Variants in PUS10 observed in about 807,000 individuals in gnomAD.
PUS10 encodes the protein tRNA pseudouridine synthase Pus10.
A neutral mutation model predicts 75.0 loss-of-function variants in PUS10; 59 were observed. The observed-to-expected ratio is 0.79, with a 90% CI of 0.64 to 0.98. PUS10 has a LOEUF of 0.98. PUS10 is among the 50% of genes least tolerant of loss of function. PUS10 has a pLI of 0.00. For synonymous variants in PUS10, 219 were observed against 211.6 expected, an observed-to-expected ratio of 1.03 and a Z score of -0.30; for missense variants, 650 against 614.4, an observed-to-expected ratio of 1.06 and a Z score of -0.61.
intron 4 of PUS10, among the ~76,000 whole-genome samples, chr2:60,976,214 G>C (rs1677025507): frequency 2.0e-5 from 3 of 152,208 alleles, no homozygotes; most frequent in Admixed American, 1.3e-4. Flanking sequence ...AATTAATACT[G>C]TTGTTGAACT....
chr2:61,003,963 C>A (rs1424987303), intron 4 of PUS10, among the ~76,000 whole-genome samples: 1 of 152,180 alleles, frequency 6.6e-6, no homozygotes, highest in South Asian at 2.1e-4. Context: ...TGATAATCTA[C>A]TTCTTAGAAG....
At chr2:61,009,132 T>C in intron 2 of PUS10, 117 bp from the exon 3 acceptor site, 3 of 870,656 alleles carry the variant, frequency 3.4e-6, no homozygotes, top group Non-Finnish European at 5.2e-6. Context: ...AATTTTACAA[T>C]GTTGACATAT....
chr2:60,942,447 A>T lies in PUS10; in HGVS notation c.1552-14T>A. ...AACATCTACAGACTAGAAGGGAGAA[A>T]AGAAGTCATTAAAACAGATATTACT... On this transcript the variant is annotated splice_polypyrimidine_tract_variant and intron_variant, in intron 17 of 17. Coordinates refer to ENST00000316752, the MANE Select transcript of PUS10 (RefSeq NM_144709.4). 1 of 1,606,946 alleles carries T rather than the reference A, an allele frequency of 6.2e-7. No individual in the cohort carries two copies. Among genetic ancestry groups the T allele is most frequent in the Non-Finnish European group, 8.5e-7 (1 of 1,173,440 alleles).
intron 2 of PUS10, 67 bp from the exon 3 acceptor site, chr2:61,009,082 T>C (rs1259030733): frequency 7.1e-7 from 1 of 1,409,524 alleles, no homozygotes; most frequent in Non-Finnish European, 9.6e-7. Context: ...CTAGGTAAGA[T>C]GAAACAAGAA....
intron 5 of PUS10, among the ~76,000 whole-genome samples, chr2:60,970,518 T>C (rs528216048): frequency 3.3e-5 from 5 of 152,316 alleles, no homozygotes; most frequent in African/African-American, 1.2e-4. Flanking sequence ...AAAAAATTTT[T>C]AAATTCAGTT....
intron 7 of PUS10, 99 bp downstream of exon 7, chr2:60,965,324 C>T (rs751462106): frequency 9.2e-7 from 1 of 1,081,110 alleles, no homozygotes; most frequent in East Asian, 2.4e-5. Flanking sequence ...ATAACAAGTT[C>T]TTCTCTTTCT....
intron 17 of PUS10, among the ~76,000 whole-genome samples, chr2:60,943,043 A>AAC (rs1674715368): frequency 6.6e-6 from 1 of 150,574 alleles, no homozygotes; most frequent in Non-Finnish European, 1.5e-5. Context: ...TCAGAAAAAA[A>AAC]AAAAAAAAAA....
intron 4 of PUS10, among the ~76,000 whole-genome samples, chr2:60,974,443 A>G (rs1227074525): frequency 6.6e-6 from 1 of 152,102 alleles, no homozygotes; most frequent in African/African-American, 2.4e-5. Flanking sequence ...TGGACGCAAG[A>G]CAAGAACTCA....
At chr2:61,008,738 A>G in intron 3 of PUS10, 23 bp downstream of exon 3, 1 of 1,509,402 alleles carries the variant, frequency 6.6e-7, no homozygotes, top group Non-Finnish European at 9.0e-7. Flanking sequence ...AATTGCACCT[A>G]TAATGAAAAA....
intron 15 of PUS10, among the ~76,000 whole-genome samples, chr2:60,951,065 T>G (rs773834874): frequency 1.3e-5 from 2 of 152,236 alleles, no homozygotes; most frequent in Non-Finnish European, 2.9e-5. Context: ...TCTTGGCCAC[T>G]GTTCTTTTTG....
At position 60,961,543 on chromosome 2, in the gene PUS10, A is replaced by G. The variant is rs1676028864; in HGVS notation, c.794T>C (p.Phe265Ser). The change falls in exon 10 of 18, where the codon TTT becomes TCT. Residue 265 changes from phenylalanine (F) to serine (S), a missense_variant. Transcript: ENST00000316752. Reference protein sequence around the residue: ...KIKEEDFLKQFPCPPNSPKAV... With the variant: ...KIKEEDFLKQSPCPPNSPKAV... ...CTTTGGTGAGTTTGGAGGACAAGGA[A>G]ACTGCCTGCAAAACAAAATAAATTT... 1 of 1,613,008 alleles carries G rather than the reference A, an allele frequency of 6.2e-7. No individual in the cohort carries two copies. The highest frequency in any genetic ancestry group is 1.3e-5 in the African/African-American group (1 of 74,890).
intron 4 of PUS10, among the ~76,000 whole-genome samples, chr2:60,977,187 A>G (rs1677086293): frequency 2.0e-5 from 3 of 152,116 alleles, no homozygotes; most frequent in Admixed American, 1.3e-4. Flanking sequence ...ATCTAGTACC[A>G]AATAATGAGA....
At chr2:60,986,406 T>C (rs891288969) in intron 4 of PUS10, among the ~76,000 whole-genome samples, 1 of 152,196 alleles carries the variant, frequency 6.6e-6, no homozygotes, top group African/African-American at 2.4e-5. Context: ...GTAAACCTCA[T>C]TCCCCATAAA....
At chr2:60,947,480 T>C (rs1244439280) in intron 16 of PUS10, among the ~76,000 whole-genome samples, 2 of 152,162 alleles carry the variant, frequency 1.3e-5, no homozygotes, top group Non-Finnish European at 2.9e-5. Flanking sequence ...ATAGGAAACA[T>C]AACTTTAAAG....
chr2:60,966,050 C>T (rs1676319020), intron 6 of PUS10: 1 of 151,926 alleles, frequency 6.6e-6, no homozygotes, highest in Admixed American at 6.6e-5. Flanking sequence ...TGAAGCAGAA[C>T]CATTAACAAT....
At chr2:61,006,494 C>T in intron 4 of PUS10, 63 bp downstream of exon 4, 1 of 1,209,212 alleles carries the variant, frequency 8.3e-7, no homozygotes, top group Non-Finnish European at 1.2e-6. Context: ...TCTACATTCC[C>T]ATTTTTTGAG....
intron 4 of PUS10, among the ~76,000 whole-genome samples, chr2:61,002,925 T>C (rs1678947603): frequency 6.6e-6 from 1 of 152,214 alleles, no homozygotes; most frequent in East Asian, 1.9e-4. Context: ...TTACTACGTC[T>C]TACTGTAACA....
intron 2 of PUS10, among the ~76,000 whole-genome samples, chr2:61,011,072 T>C (rs1265226044): frequency 6.6e-6 from 1 of 152,214 alleles, no homozygotes; most frequent in Non-Finnish European, 1.5e-5. Context: ...TTTTAAATTA[T>C]AAGAAACTGT....
chr2:60,981,262 A>G (rs1677372819), intron 4 of PUS10, among the ~76,000 whole-genome samples: 1 of 152,028 alleles, frequency 6.6e-6, no homozygotes, highest in Non-Finnish European at 1.5e-5. Flanking sequence ...AATATTTACC[A>G]TATTAGCAAT....
Sources: gnomAD v4.1 joint callset for allele counts (sites outside exome capture counted in the v4.1 genomes callset) on GRCh38, gnomAD v4.1.1 for gene constraint, MANE v1.5 for transcripts, NCBI Gene and HGNC (gene_info 2026-07-23, HGNC 2026-07-21) for gene names.